The following JAK1 variants were observed in gnomAD, a reference collection of about 807,000 sequenced individuals.
The protein encoded by JAK1 is tyrosine-protein kinase JAK1.
JAK1 carries 16 observed loss-of-function variants against 136.6 expected under a neutral mutation model. The ratio of observed to expected loss-of-function variants is 0.12; its 90% CI spans 0.08 to 0.18. The LOEUF (loss-of-function observed/expected upper bound fraction) is 0.18, where lower values mean the gene tolerates loss of function less well. Ranked by LOEUF, JAK1 falls within the 10% of genes least tolerant of loss-of-function variation. The pLI, the probability that JAK1 is intolerant of heterozygous loss-of-function variation, is 1.00. For synonymous variants in JAK1, 492 were observed against 519.5 expected (o/e 0.95, Z 0.72); for missense variants, 859 against 1,450.1 (o/e 0.59, Z 6.62).
At chr1:64,956,090 C>T (rs1646181955) in intron 1 of JAK1, among the ~76,000 whole-genome samples, 1 of 152,248 alleles carries the variant, frequency 6.6e-6, no homozygotes, top group South Asian at 2.1e-4. Context: ...CATTGGTTTA[C>T]ATACTGTCTA....
intron 1 of JAK1, among the ~76,000 whole-genome samples, chr1:64,893,360 G>A (rs1185279182): frequency 1.3e-5 from 2 of 152,146 alleles, no homozygotes; most frequent in Admixed American, 1.3e-4. Context: ...CTGGTGTTGA[G>A]CAAGCCTCTT....
chr1:64,896,443 A>G (rs1645014639), intron 1 of JAK1, among the ~76,000 whole-genome samples: 1 of 152,226 alleles, frequency 6.6e-6, no homozygotes, highest in South Asian at 2.1e-4. Context: ...AAAAGCATAG[A>G]AAAAGAAGAC....
At chr1:65,035,763 C>A (rs533438985) in intron 2 of JAK1, among the ~76,000 whole-genome samples, 1 of 152,084 alleles carries the variant, frequency 6.6e-6, no homozygotes, top group African/African-American at 2.4e-5. Context: ...ATAATCATAG[C>A]AACATAACTA....
intron 2 of JAK1, among the ~76,000 whole-genome samples, chr1:64,884,285 AAGG>A (rs1253486107): frequency 6.6e-6 from 1 of 152,172 alleles, no homozygotes; most frequent in Non-Finnish European, 1.5e-5. Flanking sequence ...CAAGGCCAGA[AAGG>A]AGGAAAGAAA....
chr1:65,018,281 T>G (rs1430758833), intron 2 of JAK1, among the ~76,000 whole-genome samples: 1 of 151,946 alleles, frequency 6.6e-6, no homozygotes, highest in Non-Finnish European at 1.5e-5. Context: ...CTCAGGATAT[T>G]AGAAATAAGC....
At chr1:64,904,975 T>A (rs919607992) in intron 1 of JAK1, among the ~76,000 whole-genome samples, 7 of 152,164 alleles carry the variant, frequency 4.6e-5, no homozygotes, top group Non-Finnish European at 8.8e-5. Flanking sequence ...GCAATTCTGA[T>A]AAAACAGGTA....
chr1:64,881,145 A>G (rs1041552915), intron 3 of JAK1, among the ~76,000 whole-genome samples: 14 of 151,784 alleles, frequency 9.2e-5, no homozygotes, highest in Admixed American at 6.6e-4. Context: ...GCCTGTAGTC[A>G]TAGTTACTTG....
intron 2 of JAK1, 57 bp from the exon 3 acceptor site, chr1:64,883,532 G>T: frequency 1.4e-6 from 2 of 1,453,998 alleles, no homozygotes; most frequent in South Asian, 1.2e-5. Context: ...AAGTTCTTAT[G>T]GCAAAAGGGA....
chr1:64,837,955 A>G lies in JAK1; in HGVS notation c.3117T>C (p.Asp1039=). 6.2e-7 allele frequency: 1 copy of G among 1,613,918 alleles called. No homozygotes were observed. The highest frequency in any genetic ancestry group is 8.5e-7 in the Non-Finnish European group (1 of 1,179,822). The change falls in exon 22 of 25, where the codon GAT becomes GAC. Residue 1039 remains aspartate, a synonymous_variant. Transcript: ENST00000342505. Reference sequence around the variant, plus strand: ...ACCAAAACACAGGGCTGTCCCGGTCATCCTTGACGGTGTAATACTCCTTAT... The same window carrying G: ...ACCAAAACACAGGGCTGTCCCGGTCGTCCTTGACGGTGTAATACTCCTTAT... ...ETDKEYYTVK[D]DRDSPVFWYA...
At chr1:65,036,696 A>G (rs1647077925) in intron 2 of JAK1, among the ~76,000 whole-genome samples, 1 of 152,228 alleles carries the variant, frequency 6.6e-6, no homozygotes, top group African/African-American at 2.4e-5. Flanking sequence ...AGAGCTGTGT[A>G]TGCAAAAATA....
intron 1 of JAK1, among the ~76,000 whole-genome samples, chr1:65,051,372 A>C (rs76595360): frequency 6.6e-6 from 1 of 152,178 alleles, no homozygotes; most frequent in Non-Finnish European, 1.5e-5. Flanking sequence ...TAAATCTGGG[A>C]ATTTCTGCCA....
At chr1:64,835,619 A>C in intron 23 of JAK1, 113 bp from the exon 24 acceptor site, 1 of 692,716 alleles carries the variant, frequency 1.4e-6, no homozygotes, top group South Asian at 1.7e-5. Context: ...AGCAATAAAA[A>C]GGCTTTTCTC....
chr1:65,004,737 G>A lies in JAK1; in HGVS notation c.-78+39743C>T, dbSNP rs528379900. ...GTTTCCACAATAATAATTACAATGT[G>A]GTTATAATAATATAATCCAAGTACA... On this transcript the variant is annotated intron_variant, in intron 2 of 25. Transcript: ENST00000671954. Among the ~76,000 whole-genome samples the A allele has an allele frequency of 2.6e-5, 4 of 152,254 alleles. No homozygotes were observed. In the East Asian group the frequency reaches 7.7e-4, roughly 29 times the overall value.
At chr1:64,941,161 AAAT>A (rs1645883842) in intron 1 of JAK1, among the ~76,000 whole-genome samples, 1 of 152,184 alleles carries the variant, frequency 6.6e-6, no homozygotes, top group South Asian at 2.1e-4. Context: ...TCCAACTCAA[AAAT>A]AATAATAATA....
At chr1:64,981,234 C>G (rs1646542516) in intron 2 of JAK1, among the ~76,000 whole-genome samples, 1 of 152,104 alleles carries the variant, frequency 6.6e-6, no homozygotes, top group African/African-American at 2.4e-5. Flanking sequence ...TTTTTTGGAC[C>G]TTTCTAAGTG....
intron 2 of JAK1, among the ~76,000 whole-genome samples, chr1:64,983,001 C>G (rs962607709): frequency 6.6e-6 from 1 of 152,014 alleles, no homozygotes; most frequent in Non-Finnish European, 1.5e-5. Context: ...CATTTTTATT[C>G]GACGCCTCAA....
chr1:64,911,055 C>A (rs1557684251), intron 1 of JAK1, among the ~76,000 whole-genome samples: 1 of 145,758 alleles, frequency 6.9e-6, no homozygotes, highest in Admixed American at 7.1e-5. Flanking sequence ...AATGCTAATA[C>A]CATGATAAAC....
At chr1:64,922,436 T>C (rs906284806) in intron 1 of JAK1, among the ~76,000 whole-genome samples, 1 of 152,154 alleles carries the variant, frequency 6.6e-6, no homozygotes, top group South Asian at 2.1e-4. Context: ...CCAAAGCCAG[T>C]CAAACATCAG....
At chr1:64,988,816 G>C (rs1235935783) in intron 2 of JAK1, among the ~76,000 whole-genome samples, 1 of 151,312 alleles carries the variant, frequency 6.6e-6, no homozygotes, top group Non-Finnish European at 1.5e-5. Flanking sequence ...TTGAGCCTGG[G>C]AAGTCAAGGC....
Sources: allele counts gnomAD v4.1 joint callset (sites outside exome capture counted in the v4.1 genomes callset), GRCh38; gene constraint gnomAD v4.1.1; transcripts MANE v1.5; gene names NCBI Gene and HGNC (gene_info 2026-07-23, HGNC 2026-07-21).